EIF2AK4: variants seen among roughly 807,000 people sequenced by gnomAD.
The protein encoded by EIF2AK4 is eIF-2-alpha kinase GCN2.
EIF2AK4 carries 139 observed loss-of-function variants against 211.1 expected under a neutral mutation model. That is an observed-to-expected ratio of 0.66 (90% confidence interval 0.57 to 0.76). The LOEUF (loss-of-function observed/expected upper bound fraction) is 0.76. EIF2AK4 is among the 30% of genes least tolerant of loss of function. EIF2AK4 has a pLI of 0.00. For missense variants in EIF2AK4, 1,664 were observed against 2,043.8 expected (o/e 0.81, Z 3.58); for synonymous variants, 710 against 751.3 (o/e 0.94, Z 0.90).
chr15:40,000,115 A>T (rs535221901), intron 20 of EIF2AK4, among the ~76,000 whole-genome samples: 2 of 152,208 alleles, frequency 1.3e-5, no homozygotes, highest in Non-Finnish European at 2.9e-5. Context: ...TTACCAGTAC[A>T]GCAGGGTCTA....
intron 8 of EIF2AK4, 58 bp downstream of exon 8, chr15:39,965,901 A>G: frequency 1.3e-6 from 2 of 1,594,416 alleles, no homozygotes; most frequent in South Asian, 1.1e-5. Context: ...TTAGGAGATG[A>G]CAGAACAAAA....
chr15:39,957,393 C>T (rs1303078955), intron 6 of EIF2AK4, among the ~76,000 whole-genome samples: 2 of 152,004 alleles, frequency 1.3e-5, no homozygotes, highest in African/African-American at 2.4e-5. Context: ...CAACAAACTC[C>T]TTCCCATCTC....
At chr15:39,997,878 C>T (rs146138115) in intron 19 of EIF2AK4, among the ~76,000 whole-genome samples, 47 of 152,074 alleles carry the variant, frequency 3.1e-4, no homozygotes, top group African/African-American at 9.6e-4. Context: ...TATTTATGAG[C>T]GAGACATCTG....
intron 25 of EIF2AK4, among the ~76,000 whole-genome samples, 173 bp downstream of exon 25, chr15:40,008,368 G>T (rs2035190065): frequency 6.6e-6 from 1 of 152,196 alleles, no homozygotes; most frequent in Non-Finnish European, 1.5e-5. Flanking sequence ...TTCAGCTCAG[G>T]CTCTTACCTT....
At chr15:39,992,716 T>G in intron 17 of EIF2AK4, 53 bp from the exon 18 acceptor site, 1 of 1,506,096 alleles carries the variant, frequency 6.6e-7, no homozygotes, top group Non-Finnish European at 9.2e-7. Context: ...TTAGTTTGTG[T>G]CTTCTGTAAG....
intron 13 of EIF2AK4, among the ~76,000 whole-genome samples, chr15:39,980,781 T>A (rs1394298260): frequency 1.3e-5 from 2 of 152,200 alleles, no homozygotes; most frequent in Non-Finnish European, 1.5e-5. Flanking sequence ...CTAGAACTCC[T>A]GGGCTCAAAT....
chr15:40,028,597 T>C (rs2035497510), intron 33 of EIF2AK4, among the ~76,000 whole-genome samples: 1 of 152,128 alleles, frequency 6.6e-6, no homozygotes, highest in Admixed American at 6.5e-5. Context: ...GATTGGGAAA[T>C]CCTGGCTTAC....
chr15:39,944,757 A>G (rs532609305), intron 3 of EIF2AK4, among the ~76,000 whole-genome samples: 1 of 152,338 alleles, frequency 6.6e-6, no homozygotes, highest in Non-Finnish European at 1.5e-5. Context: ...GTGAAAACTA[A>G]GAAGAGGTGC....
chr15:40,020,759 T>A (rs1357718244), intron 30 of EIF2AK4, 140 bp from the exon 31 acceptor site: 3 of 644,808 alleles, frequency 4.7e-6, no homozygotes, highest in Non-Finnish European at 7.1e-6. Flanking sequence ...TGAAGCAAAG[T>A]CTTTGGCACG....
chr15:40,007,154 A>T, intron 24 of EIF2AK4, 89 bp downstream of exon 24: 1 of 1,180,426 alleles, frequency 8.5e-7, no homozygotes, highest in Non-Finnish European at 1.2e-6. Context: ...ATTTCCTGTG[A>T]TCCTTACACA....
chr15:39,970,790 C>T lies in EIF2AK4; in HGVS notation c.1554-2118C>T, dbSNP rs73388525. Among the ~76,000 whole-genome samples the T allele has an allele frequency of 4.1e-3, 628 of 151,932 alleles. 9 individuals carry two copies. Among genetic ancestry groups the T allele is most frequent in the African/African-American group, 0.015 (603 of 41,402 alleles). ...ATTATCAGTAATGTTTTAATATTTGCAAGGAGAAGGTATATATGTTTTAAT... is the reference window on the plus strand; with the variant it reads ...ATTATCAGTAATGTTTTAATATTTGTAAGGAGAAGGTATATATGTTTTAAT... On this transcript the variant is annotated intron_variant, in intron 9 of 38. Coordinates refer to ENST00000263791, the MANE Select transcript of EIF2AK4 (RefSeq NM_001013703.4).
chr15:39,973,785 C>A, intron 11 of EIF2AK4, 36 bp downstream of exon 11: 1 of 1,607,700 alleles, frequency 6.2e-7, no homozygotes. Context: ...CCCTTTAGAG[C>A]TCCTTCTCTG....
chr15:40,029,870 T>A (rs2035515957), intron 34 of EIF2AK4, among the ~76,000 whole-genome samples: 1 of 152,230 alleles, frequency 6.6e-6, no homozygotes, highest in Non-Finnish European at 1.5e-5. Flanking sequence ...AGTTATGCCT[T>A]TGCTTTCATC....
chr15:40,027,907 GAACAAC>G (rs1292453246), intron 33 of EIF2AK4, among the ~76,000 whole-genome samples: 3 of 149,984 alleles, frequency 2.0e-5, no homozygotes, highest in East Asian at 1.9e-4. Context: ...AAAACAAAAA[GAACAAC>G]AACAACAACG....
rs748410092 is a variant in EIF2AK4, at chr15:39,943,411, A to G, written c.286A>G (p.Lys96Glu). 1.9e-6 allele frequency: 3 copies of G among 1,558,054 alleles called. No homozygotes were observed. Among genetic ancestry groups the G allele is most frequent in the Non-Finnish European group, 2.6e-6 (3 of 1,161,136 alleles). ...TCCTGAAATAGAGTTAAAAAATGCC[A>G]AAGGTCTATCAAATGAAAGTGTCAA... ...VVPEIELKNAKGLSNESVNLL... is the reference protein window; with the variant it reads ...VVPEIELKNAEGLSNESVNLL... Residue 96 changes from lysine (K) to glutamate (E), a missense_variant, in exon 3 of 39, where the codon AAA becomes GAA. Lys to Glu is a moderately conservative substitution (Grantham distance 56). This residue lies in a region of EIF2AK4 where 641 missense variants were observed against 729.6 expected (regional missense o/e 0.88). Transcript: ENST00000263791.
In EIF2AK4 at chr15:39,976,797, G is replaced by GGACGAC. The variant is rs377237751; in HGVS notation, c.2208_2213dup (p.Asp736_Asp737dup). The GGACGAC allele has an allele frequency of 0.11, 168,600 of 1,574,298 alleles. 10,196 individuals are homozygous for GGACGAC. Among genetic ancestry groups the GGACGAC allele is most frequent in the South Asian group, 0.21 (17,740 of 85,488 alleles). ...CCGGCCCGGGCTCCAGCGATGACGA[G>GGACGAC]GACGACGACGAGGACGAGCACGGTG... On this transcript the variant is annotated inframe_insertion, in exon 12 of 39. Coordinates refer to ENST00000263791, the MANE Select transcript of EIF2AK4 (RefSeq NM_001013703.4).
At chr15:39,958,917 A>G (rs1273975228) in intron 6 of EIF2AK4, among the ~76,000 whole-genome samples, 2 of 152,102 alleles carry the variant, frequency 1.3e-5, no homozygotes, top group African/African-American at 4.8e-5. Context: ...AAAAAAAAAA[A>G]GATTATCCTT....
chr15:39,976,373 C>A, intron 11 of EIF2AK4, 41 bp from the exon 12 acceptor site: 3 of 1,540,276 alleles, frequency 1.9e-6, no homozygotes, highest in Non-Finnish European at 2.6e-6. Flanking sequence ...CCTGTTTGTG[C>A]AAGGCTCCGA....
At position 40,030,554 on chromosome 15, in the gene EIF2AK4, G is replaced by A. The variant is rs556649825; in HGVS notation, c.4659+98G>A. On this transcript the variant is annotated intron_variant, in intron 35 of 38. Transcript: ENST00000263791. Reference sequence around the variant, plus strand: ...AATAAGATAAACATGGAATTTCTTGGAAATATTTTTTCCAAGAAAAAAATT... The same window carrying A: ...AATAAGATAAACATGGAATTTCTTGAAAATATTTTTTCCAAGAAAAAAATT... The A allele has an allele frequency of 3.3e-4, 435 of 1,327,980 alleles. 6 individuals carry two copies. The South Asian group carries it at 5.9e-3, about 18-fold the overall frequency. 82.3% of individuals were successfully genotyped at this position (1,327,980 alleles called of 1,614,324 possible). A position where few individuals can be genotyped will look rare whatever the true frequency, so the allele number is the denominator to read the frequency against.
Sources: gnomAD v4.1 joint callset for allele counts (sites outside exome capture counted in the v4.1 genomes callset) on GRCh38, gnomAD v4.1.1 for gene constraint, gnomAD v4.1.1 regional missense constraint, MANE v1.5 for transcripts, NCBI Gene and HGNC (gene_info 2026-07-23, HGNC 2026-07-21) for gene names.